The following GOLGA2 variants were observed in gnomAD, a reference collection of about 807,000 sequenced individuals.
The protein encoded by GOLGA2 is golgin subfamily A member 2.
GOLGA2 carries 49 observed loss-of-function variants against 148.8 expected under a neutral mutation model. That is an observed-to-expected ratio of 0.33 (90% confidence interval 0.26 to 0.42). The LOEUF is 0.42. Ranked by LOEUF, GOLGA2 falls within the 10% of genes least tolerant of loss-of-function variation. GOLGA2 has a pLI of 1.00. For synonymous variants in GOLGA2, 501 were observed against 511.8 expected (o/e 0.98, Z 0.28); for missense variants, 1,178 against 1,304.6 (o/e 0.90, Z 1.49).
chr9:128,267,988 T>C lies in GOLGA2; in HGVS notation c.447A>G (p.Ser149=), dbSNP rs772558528. ...PNLMDETKTF[S]STESLRQLSQ... is the part of the protein sequence containing the mutation. ...AGAGTTGTCGCAGGCTCTCGGTTGA[T>C]GAGAAAGTCCTAGGGATGGAGACAC... The change falls in exon 6 of 27, where the codon TCA becomes TCG. Residue 149 remains serine (S), a synonymous_variant. Transcript: ENST00000611957. 7 of 1,611,732 alleles carry C rather than the reference T, an allele frequency of 4.3e-6. No individual in the cohort carries two copies. The East Asian group carries it at 1.3e-4, about 31-fold the overall frequency.
At position 128,260,190 on chromosome 9, in the gene GOLGA2, C is replaced by T; in HGVS notation, c.1759-1G>A. 6.3e-7 allele frequency: 1 copy of T among 1,598,606 alleles called. No homozygotes were observed. Among genetic ancestry groups the T allele is most frequent in the Non-Finnish European group, 8.5e-7 (1 of 1,172,134 alleles). On this transcript the variant is annotated splice_acceptor_variant, in intron 18 of 26. Coordinates refer to ENST00000611957, the MANE Select transcript of GOLGA2 (RefSeq NM_001366244.2). LOFTEE classifies it high-confidence loss of function. The surrounding 1 kb of genome is among the most constrained non-coding windows in gnomAD (Gnocchi z 4.8). ...TGGTGATCTCCATGTTCTCATTAGT[C>T]TGGACAGAGAGAAGCAATCAGCGGC...
intron 1 of GOLGA2, 22 bp downstream of exon 1, chr9:128,275,871 G>T: frequency 7.2e-7 from 1 of 1,381,548 alleles, no homozygotes; most frequent in Non-Finnish European, 1.0e-6. Flanking sequence ...GGGTCGGGGG[G>T]CCGCGACCCG....
At position 128,268,138 on chromosome 9, in the gene GOLGA2, G is replaced by A. The variant is rs1830710976; in HGVS notation, c.416C>T (p.Pro139Leu). 2 of 1,613,528 alleles carry A rather than the reference G, an allele frequency of 1.2e-6. No individual in the cohort carries two copies. Among genetic ancestry groups the A allele is most frequent in the African/African-American group, 2.7e-5 (2 of 75,010 alleles). ...TCACTTGGTTTCATCCATGAGATTA[G>A]GGACATTGTCAGCATCATGATTCTG... ...ASQNHDADNV[P>L]NLMDETKTFS... Residue 139 changes from proline (P) to leucine (L), a missense_variant, in exon 5 of 27, where the codon CCT becomes CTT. Physicochemically the swap from Pro to Leu is moderately conservative, Grantham distance 98. Around this residue, in one of 5 missense-constraint regions of GOLGA2, gnomAD observed 304 missense variants for 404.1 expected, o/e 0.75. Transcript: ENST00000611957.
At position 128,258,836 on chromosome 9, in the gene GOLGA2, G is replaced by A. The variant is rs974789240; in HGVS notation, c.2173+171C>T. On this transcript the variant is annotated intron_variant, in intron 21 of 26. Coordinates refer to ENST00000611957, the MANE Select transcript of GOLGA2 (RefSeq NM_001366244.2). This position sits in a 1 kb window ranked among gnomAD's most constrained non-coding sequence, Gnocchi z 6.6. ...TCACCCATCCTTAGGTAAGCTGGTA[G>A]TGCCCTGCTCCCAGGAAGTCACCAT... 16 of 634,490 alleles carry A rather than the reference G, an allele frequency of 2.5e-5. No homozygotes were observed. Among genetic ancestry groups the A allele is most frequent in the Middle Eastern group, 3.4e-4 (1 of 2,916 alleles). The allele number at this position is 634,490 out of a possible 1,614,324, so 39.3% of individuals were successfully genotyped here.
chr9:128,269,509 A>C (rs1327455082), intron 3 of GOLGA2, among the ~76,000 whole-genome samples: 1 of 152,124 alleles, frequency 6.6e-6, no homozygotes, highest in East Asian at 1.9e-4. Flanking sequence ...GGACAATCCT[A>C]GGATTCAGAA....
In GOLGA2 at chr9:128,257,123, T is replaced by C. The variant is rs754164457; in HGVS notation, c.3034A>G (p.Ile1012Val). Residue 1012 changes from isoleucine to valine, a missense_variant, in exon 27 of 27, where the codon ATT becomes GTT. Around this residue, in one of 5 missense-constraint regions of GOLGA2, gnomAD observed 149 missense variants for 154.9 expected, o/e 0.96. Coordinates refer to ENST00000611957, the MANE Select transcript of GOLGA2 (RefSeq NM_001366244.2). The surrounding 1 kb of genome is among the most constrained non-coding windows in gnomAD (Gnocchi z 8.0). ...ERPGLGSNPC[I>V]PFFYRADEND... ...TCGTCAGCCCGGTAAAAAAAAGGAATGCAGGGGTTGCTGCCCAAGCCTGGG... is the reference window on the plus strand; with the variant it reads ...TCGTCAGCCCGGTAAAAAAAAGGAACGCAGGGGTTGCTGCCCAAGCCTGGG... The C allele has an allele frequency of 1.9e-6, 3 of 1,614,134 alleles. No homozygotes were observed. Among genetic ancestry groups the C allele is most frequent in the African/African-American group, 1.3e-5 (1 of 75,052 alleles).
intron 3 of GOLGA2, among the ~76,000 whole-genome samples, chr9:128,272,240 T>G (rs1282801573): frequency 6.6e-6 from 1 of 151,678 alleles, no homozygotes; most frequent in Non-Finnish European, 1.5e-5. Flanking sequence ...TCCCAGCACT[T>G]TGGGAGGCCA....
intron 4 of GOLGA2, 25 bp downstream of exon 4, chr9:128,268,395 G>A (rs1222787536): frequency 7.9e-7 from 1 of 1,273,862 alleles, no homozygotes; most frequent in South Asian, 1.2e-5. Flanking sequence ...GGAGGGCAGT[G>A]GGCAGAGGGG....
chr9:128,257,548 G>GCCATGC lies in GOLGA2; in HGVS notation c.2719-29_2719-24dup, dbSNP rs1453099378. ...CACCTGGAGGGAGGGGTGCTAAGCT[G>GCCATGC]CCATGCCCATGCCCGTGCCCACCTC... On this transcript the variant is annotated intron_variant, in intron 25 of 26. Coordinates refer to ENST00000611957, the MANE Select transcript of GOLGA2 (RefSeq NM_001366244.2). This position sits in a 1 kb window ranked among gnomAD's most constrained non-coding sequence, Gnocchi z 8.0. The GCCATGC allele has an allele frequency of 6.2e-7, 1 of 1,613,904 alleles. No homozygotes were observed. Among genetic ancestry groups the GCCATGC allele is most frequent in the Admixed American group, 1.7e-5 (1 of 60,000 alleles).
chr9:128,265,860 T>A lies in GOLGA2; in HGVS notation c.754A>T (p.Ile252Phe). 6.2e-7 allele frequency: 1 copy of A among 1,613,344 alleles called. No homozygotes were observed. Residue 252 changes from isoleucine (I) to phenylalanine (F), a missense_variant, in exon 11 of 27, where the codon ATC becomes TTC. Ile to Phe is a conservative substitution (Grantham distance 21). Around this residue, in one of 5 missense-constraint regions of GOLGA2, gnomAD observed 304 missense variants for 404.1 expected, o/e 0.75. Coordinates refer to ENST00000611957, the MANE Select transcript of GOLGA2 (RefSeq NM_001366244.2). The part of the protein sequence containing the change: ...QLQVHIQTIG[I>F]LVSEKAELQT... ...AACTCAGCTTTCTCTGATACGAGGA[T>A]CCCTATGGTCTGAATGTGAACCTTT... is the stretch of plus-strand genomic sequence containing the variant.
At chr9:128,273,716 C>CT in intron 2 of GOLGA2, 134 bp downstream of exon 2, 1 of 1,157,094 alleles carries the variant, frequency 8.6e-7, no homozygotes, top group Admixed American at 2.4e-5. Flanking sequence ...AATCACATCC[C>CT]TAGCAGATGG....
intron 1 of GOLGA2, among the ~76,000 whole-genome samples, chr9:128,275,102 A>G (rs1831228524): frequency 6.6e-6 from 1 of 152,198 alleles, no homozygotes; most frequent in Non-Finnish European, 1.5e-5. Context: ...CCACCCAGAG[A>G]TACTGCCAAT....
At position 128,267,247 on chromosome 9, in the gene GOLGA2, G is replaced by C; in HGVS notation, c.589C>G (p.Leu197Val). The C allele has an allele frequency of 4.3e-6, 7 of 1,611,790 alleles. No homozygotes were observed. The highest frequency in any genetic ancestry group is 5.9e-6 in the Non-Finnish European group (7 of 1,177,826). The change falls in exon 8 of 27, where the codon CTG (leucine) becomes GTG (valine). Residue 197 changes from leucine (L) to valine (V), a missense_variant. This residue lies in a region of GOLGA2 where 304 missense variants were observed against 404.1 expected (regional missense o/e 0.75). Coordinates refer to ENST00000611957, the MANE Select transcript of GOLGA2 (RefSeq NM_001366244.2). Reference sequence around the variant, plus strand: ...TTGTTTGTTACATAGCTGGAGTCCAGGGCTACCGCTAGCTGTTGGTACCGG... The same window carrying C: ...TTGTTTGTTACATAGCTGGAGTCCACGGCTACCGCTAGCTGTTGGTACCGG... The part of the protein sequence containing the change: ...ESRYQQLAVA[L>V]DSSYVTNKQL...
chr9:128,259,671 G>GT (rs1564363057), intron 19 of GOLGA2, among the ~76,000 whole-genome samples: 1 of 152,216 alleles, frequency 6.6e-6, no homozygotes, highest in African/African-American at 2.4e-5. Context: ...TGCTTTCCAC[G>GT]TATTATCTCA....
chr9:128,275,221 C>T (rs1363595690), intron 1 of GOLGA2, among the ~76,000 whole-genome samples: 1 of 152,212 alleles, frequency 6.6e-6, no homozygotes, highest in African/African-American at 2.4e-5. Context: ...TCCCCAATCC[C>T]CTTCCAGCTG....
Position 128,275,881 on chromosome 9 carries a change from G to A in GOLGA2, c.84+12C>T, listed in dbSNP as rs373778000. The A allele has an allele frequency of 6.7e-7, 1 of 1,488,914 alleles. No homozygotes were observed. The highest frequency in any genetic ancestry group is 9.2e-7 in the Non-Finnish European group (1 of 1,090,052). The allele number at this position is 1,488,914 out of a possible 1,614,324, so 92.2% of individuals were successfully genotyped here. On this transcript the variant is annotated intron_variant, in intron 1 of 26. Transcript: ENST00000611957. The stretch of plus-strand genomic sequence containing the variant: ...GGGCTGGGTCGGGGGGCCGCGACCC[G>A]GTGCACTTTACCTTTTTCTTCGCTG...
chr9:128,273,563 G>A (rs1291813879), intron 2 of GOLGA2: 9 of 479,712 alleles, frequency 1.9e-5, no homozygotes, highest in Non-Finnish European at 3.3e-5. Flanking sequence ...GGGTGTCCTG[G>A]GTGTTTAGGA....
Position 128,266,295 on chromosome 9 carries a change from A to G in GOLGA2, c.673T>C (p.Leu225=). The change falls in exon 9 of 27, where the codon TTG becomes CTG. Residue 225 remains leucine, a synonymous_variant. Transcript: ENST00000611957. This position sits in a 1 kb window ranked among gnomAD's most constrained non-coding sequence, Gnocchi z 4.2. ...CAAAGAAATCACGTTACTTCTTCCAACTGATCCGTAATTTCTTGGTTCTGT... is the reference window on the plus strand; with the variant it reads ...CAAAGAAATCACGTTACTTCTTCCAGCTGATCCGTAATTTCTTGGTTCTGT... ...KQQNQEITDQ[L]EEEKKECHQK... is the part of the protein sequence containing the mutation. 6.2e-7 allele frequency: 1 copy of G among 1,612,862 alleles called. No individual in the cohort carries two copies. The highest frequency in any genetic ancestry group is 1.1e-5 in the South Asian group (1 of 91,050).
chr9:128,273,678 G>A (rs1831101605), intron 2 of GOLGA2, 172 bp downstream of exon 2: 8 of 706,974 alleles, frequency 1.1e-5, no homozygotes, highest in Admixed American at 5.9e-5. Context: ...GAAAAGAGAG[G>A]CCCAAAAAGC....
Sources: gnomAD v4.1 joint callset for allele counts (sites outside exome capture counted in the v4.1 genomes callset) on GRCh38, gnomAD v4.1.1 for gene constraint, gnomAD v4.1.1 regional missense constraint, Gnocchi (gnomAD v3.1) non-coding constraint, MANE v1.5 for transcripts, NCBI Gene and HGNC (gene_info 2026-07-23, HGNC 2026-07-21) for gene names.